GRIN3A: variants seen among roughly 807,000 people sequenced by gnomAD.
The protein encoded by GRIN3A is glutamate receptor ionotropic, NMDA 3A.
Under a neutral mutation model 92.4 loss-of-function variants are expected in GRIN3A, and 47 were observed. That is an observed-to-expected ratio of 0.51 (90% CI 0.40 to 0.65). GRIN3A has a LOEUF of 0.65. Among genes scored for constraint, GRIN3A ranks in the 30% least tolerant of loss-of-function variants. GRIN3A has a pLI of 0.00. For missense variants in GRIN3A, 1,324 were observed against 1,393.1 expected, an observed-to-expected ratio of 0.95 and a Z score of 0.79; for synonymous variants, 527 against 540.6, an observed-to-expected ratio of 0.97 and a Z score of 0.35.
At chr9:101,586,124 T>C (rs1222160797) in intron 6 of GRIN3A, among the ~76,000 whole-genome samples, 2 of 152,172 alleles carry the variant, frequency 1.3e-5, no homozygotes, top group Non-Finnish European at 2.9e-5. Flanking sequence ...ATCCATGAAG[T>C]TTACCCTAAT....
At position 101,569,619 on chromosome 9, in the gene GRIN3A, TAAAAA is replaced by T. The variant is rs960749474; in HGVS notation, c.*3550_*3554del. 2.0e-5 allele frequency: 3 copies of T among 150,652 alleles called. No individual in the cohort carries two copies. The highest frequency in any genetic ancestry group is 4.4e-5 in the Non-Finnish European group (3 of 67,630). 9.3% of individuals were successfully genotyped at this position (150,652 alleles called of 1,614,324 possible). A position where few individuals can be genotyped will look rare whatever the true frequency, so the allele number is the denominator to read the frequency against. On this transcript the variant is annotated 3_prime_UTR_variant, in exon 9 of 9. Coordinates refer to ENST00000361820, the MANE Select transcript of GRIN3A (RefSeq NM_133445.3). ...TTATTTTCATAAAATGATTAGTAAC[TAAAAA>T]AAAAGAGTGAGGGAATCCTGGATTA... is the stretch of plus-strand genomic sequence containing the variant.
At chr9:101,684,432 AC>A (rs1829505196) in intron 2 of GRIN3A, among the ~76,000 whole-genome samples, 1 of 151,904 alleles carries the variant, frequency 6.6e-6, no homozygotes, top group Non-Finnish European at 1.5e-5. Context: ...TTCAATAAAT[AC>A]CTATTAAGTG....
rs1413860162 is a variant in GRIN3A at position 101,573,006 on chromosome 9, A to G, written c.*168T>C. 1.9e-5 allele frequency: 12 copies of G among 644,348 alleles called. No individual in the cohort carries two copies. The highest frequency in any genetic ancestry group is 3.4e-5 in the Non-Finnish European group (12 of 357,310). The allele number at this position is 644,348 out of a possible 1,614,324, so 39.9% of individuals were successfully genotyped here. A position where few individuals can be genotyped will look rare whatever the true frequency, so the allele number is the denominator to read the frequency against. On this transcript the variant is annotated 3_prime_UTR_variant, in exon 9 of 9. Transcript: ENST00000361820. Reference sequence around the variant, plus strand: ...CCTGGAGACCTAGAGAGTGAGCTTGAGAGGAGCTGCTGCTGCACTTTAGGC... The same window carrying G: ...CCTGGAGACCTAGAGAGTGAGCTTGGGAGGAGCTGCTGCTGCACTTTAGGC...
intron 1 of GRIN3A, among the ~76,000 whole-genome samples, chr9:101,716,352 A>T (rs2506364): frequency 0.92 from 140,433 of 152,252 alleles, 65,063 homozygotes; most frequent in Middle Eastern, 0.98. Context: ...TTTAAAAAAA[A>T]TGAATACATA....
chr9:101,601,011 A>G (rs919885356), intron 6 of GRIN3A: 2 of 152,188 alleles, frequency 1.3e-5, no homozygotes, highest in African/African-American at 4.8e-5. Context: ...ACATGTCATC[A>G]GAGAGGTAAG....
At chr9:101,664,184 T>A (rs1829210337) in intron 3 of GRIN3A, among the ~76,000 whole-genome samples, 1 of 151,944 alleles carries the variant, frequency 6.6e-6, no homozygotes, top group African/African-American at 2.4e-5. Flanking sequence ...ACGGCTGCAG[T>A]TTCTATCCAC....
chr9:101,663,220 C>T (rs992273893), intron 3 of GRIN3A, among the ~76,000 whole-genome samples: 2 of 151,860 alleles, frequency 1.3e-5, no homozygotes, highest in South Asian at 2.1e-4. Flanking sequence ...CCTTCTTTCC[C>T]CATTCAGATC....
intron 3 of GRIN3A, among the ~76,000 whole-genome samples, chr9:101,653,904 G>A (rs558602431): frequency 5.3e-5 from 8 of 151,660 alleles, no homozygotes; most frequent in East Asian, 1.9e-4. Flanking sequence ...TTGTATTATC[G>A]CTGAAAATAA....
rs12339839 is a variant in GRIN3A, at chr9:101,630,220, T to C, written c.2353-1819A>G. On this transcript the variant is annotated intron_variant, in intron 3 of 8. Coordinates refer to ENST00000361820, the MANE Select transcript of GRIN3A (RefSeq NM_133445.3). ...AACTACTTATTTATCTGTGCTGATA[T>C]AGTATCTTGTACATATAAAATATGT... is the stretch of plus-strand genomic sequence containing the variant. Among the ~76,000 whole-genome samples, 1,359 of 152,316 alleles carry C rather than the reference T, an allele frequency of 8.9e-3. 24 individuals carry two copies. Among genetic ancestry groups the C allele is most frequent in the African/African-American group, 0.031 (1,304 of 41,574 alleles).
At chr9:101,641,098 A>G (rs556246582) in intron 3 of GRIN3A, among the ~76,000 whole-genome samples, 2 of 152,310 alleles carry the variant, frequency 1.3e-5, no homozygotes, top group South Asian at 2.1e-4. Flanking sequence ...GAATATGCCT[A>G]AAGCATAGGA....
chr9:101,645,955 C>G (rs1828932675), intron 3 of GRIN3A, among the ~76,000 whole-genome samples: 2 of 151,386 alleles, frequency 1.3e-5, no homozygotes, highest in South Asian at 2.1e-4. Flanking sequence ...GTTTGAGATC[C>G]TTTTATAACC....
chr9:101,637,142 G>C (rs1023550785), intron 3 of GRIN3A, among the ~76,000 whole-genome samples: 1 of 151,926 alleles, frequency 6.6e-6, no homozygotes, highest in Non-Finnish European at 1.5e-5. Context: ...GCCCAGGCTG[G>C]AGTGCAGTGG....
intron 6 of GRIN3A, among the ~76,000 whole-genome samples, chr9:101,596,631 T>A (rs1828137316): frequency 6.6e-6 from 1 of 152,166 alleles, no homozygotes; most frequent in South Asian, 2.1e-4. Context: ...CAGAACTCTA[T>A]CTTTTGGGCA....
At chr9:101,675,220 G>A (rs1829379096) in intron 2 of GRIN3A, among the ~76,000 whole-genome samples, 1 of 151,818 alleles carries the variant, frequency 6.6e-6, no homozygotes, top group East Asian at 1.9e-4. Flanking sequence ...AAAAGAATGA[G>A]GCTTACTAAT....
At chr9:101,630,295 T>C (rs1828693886) in intron 3 of GRIN3A, among the ~76,000 whole-genome samples, 1 of 152,228 alleles carries the variant, frequency 6.6e-6, no homozygotes, top group Non-Finnish European at 1.5e-5. Flanking sequence ...TGGTCTTGTC[T>C]AGCTTCACCC....
At chr9:101,655,588 C>T (rs1233722964) in intron 3 of GRIN3A, among the ~76,000 whole-genome samples, 1 of 152,000 alleles carries the variant, frequency 6.6e-6, no homozygotes. Context: ...AGCACATTGT[C>T]CCAAAAATTA....
At chr9:101,626,640 G>T (rs1828638029) in intron 4 of GRIN3A, among the ~76,000 whole-genome samples, 1 of 152,210 alleles carries the variant, frequency 6.6e-6, no homozygotes, top group Non-Finnish European at 1.5e-5. Context: ...AGATTCTGAT[G>T]CAGTAAGTTT....
Position 101,737,361 on chromosome 9 carries a change from T to A in GRIN3A, c.619A>T (p.Met207Leu). ...LAFPQSQGEM[M>L]ELDLVSLVLH... ...ACTAAGCTGACCAAGTCGAGCTCCA[T>A]CATTTCGCCCTGGCTCTGGGGGAAG... The change falls in exon 1 of 9, where the codon ATG becomes TTG. Residue 207 changes from methionine to leucine, a missense_variant. By Grantham distance (15) the Met-to-Leu change is conservative. Coordinates refer to ENST00000361820, the MANE Select transcript of GRIN3A (RefSeq NM_133445.3). The A allele has an allele frequency of 2.5e-6, 4 of 1,614,208 alleles. No homozygotes were observed. The highest frequency in any genetic ancestry group is 3.4e-6 in the Non-Finnish European group (4 of 1,180,030).
chr9:101,599,152 G>A (rs182797326), intron 6 of GRIN3A, among the ~76,000 whole-genome samples: 42 of 152,308 alleles, frequency 2.8e-4, no homozygotes, highest in Non-Finnish European at 5.4e-4. Context: ...TCTGTGAAAT[G>A]GTGATAATAC....
Sources: gnomAD v4.1 joint callset for allele counts (sites outside exome capture counted in the v4.1 genomes callset) on GRCh38, gnomAD v4.1.1 for gene constraint, MANE v1.5 for transcripts, NCBI Gene and HGNC (gene_info 2026-07-23, HGNC 2026-07-21) for gene names.